Variants in DNALI1 observed in about 807,000 individuals in gnomAD.
The protein encoded by DNALI1 is axonemal dynein light intermediate polypeptide 1.
DNALI1 carries 31 observed loss-of-function variants against 33.9 expected under a neutral mutation model. That is an observed-to-expected ratio of 0.91 (90% CI 0.69 to 1.23). DNALI1 has a LOEUF of 1.23. Among genes scored for constraint, DNALI1 ranks in the 50% most tolerant of loss-of-function variants. The pLI is 0.00. For synonymous variants in DNALI1, 117 were observed against 129.2 expected (o/e 0.91, Z 0.64); for missense variants, 305 against 323.8 (o/e 0.94, Z 0.44).
In DNALI1 at chr1:37,561,812, T is replaced by C; in HGVS notation, c.576+77T>C. The C allele has an allele frequency of 6.5e-7, 1 of 1,529,672 alleles. No individual in the cohort carries two copies. The highest frequency in any genetic ancestry group is 8.9e-7 in the Non-Finnish European group (1 of 1,129,538). The allele number at this position is 1,529,672 out of a possible 1,614,324, so 94.8% of individuals were successfully genotyped here. On this transcript the variant is annotated intron_variant, in intron 4 of 5. Coordinates refer to ENST00000652629, the MANE Select transcript of DNALI1 (RefSeq NM_003462.5). The surrounding 1 kb of genome is among the most constrained non-coding windows in gnomAD (Gnocchi z 4.6). ...GGCCACATGCTTATCATTCCAGCAC[T>C]ACATTCTGACCTCCTAAGGTGCTCT...
intron 2 of DNALI1, among the ~76,000 whole-genome samples, chr1:37,558,479 C>A (rs938874662): frequency 1.3e-5 from 2 of 152,204 alleles, no homozygotes; most frequent in African/African-American, 2.4e-5. Context: ...AGACTAAAAT[C>A]AAAAATCCTT....
chr1:37,562,134 G>A lies in DNALI1; in HGVS notation c.630G>A (p.Gln210=). ...KRDLERQVNE[Q]KAKCEATEKR... The stretch of plus-strand genomic sequence containing the variant: ...ACCTGGAGAGGCAAGTGAACGAGCA[G>A]AAGGCAAAATGTGAAGCCACTGAGA... Residue 210 remains glutamine, a synonymous_variant, in exon 5 of 6, where the codon CAG becomes CAA. Transcript: ENST00000652629. The surrounding 1 kb of genome is among the most constrained non-coding windows in gnomAD (Gnocchi z 5.8). The A allele has an allele frequency of 6.2e-7, 1 of 1,614,182 alleles. No individual in the cohort carries two copies. Among genetic ancestry groups the A allele is most frequent in the Non-Finnish European group, 8.5e-7 (1 of 1,180,030 alleles).
chr1:37,565,155 T>TA lies in DNALI1; in HGVS notation c.*99dup, dbSNP rs1643484885. 6.8e-7 allele frequency: 1 copy of TA among 1,461,166 alleles called. No homozygotes were observed. Among genetic ancestry groups the TA allele is most frequent in the Non-Finnish European group, 9.5e-7 (1 of 1,056,918 alleles). The allele number at this position is 1,461,166 out of a possible 1,614,324, so 90.5% of individuals were successfully genotyped here. ...TAAAATCATCATAAGCCCTTTGTAA[T>TA]AAAAAGCTAGTTTCCTGAGTGAACA... On this transcript the variant is annotated 3_prime_UTR_variant, in exon 6 of 6. Transcript: ENST00000652629.
At chr1:37,564,769 T>C (rs370187537) in intron 5 of DNALI1, among the ~76,000 whole-genome samples, 31 of 152,306 alleles carry the variant, frequency 2.0e-4, no homozygotes, top group East Asian at 1.9e-3. Flanking sequence ...CAATATCCTT[T>C]TCAATGCTTT....
At position 37,561,638 on chromosome 1, in the gene DNALI1, C is replaced by G. The variant is rs765317340; in HGVS notation, c.479C>G (p.Thr160Ser). ...LLRVRDEIRM[T>S]IAAYQTLYES... is the part of the protein sequence containing the mutation. Reference sequence around the variant, plus strand: ...CGAGTCCGGGACGAGATCCGCATGACCATCGCTGCCTACCAGACCCTGTAC... The same window carrying G: ...CGAGTCCGGGACGAGATCCGCATGAGCATCGCTGCCTACCAGACCCTGTAC... The change falls in exon 4 of 6, where the codon ACC becomes AGC. Residue 160 changes from threonine (T) to serine (S), a missense_variant. Thr to Ser is a moderately conservative substitution (Grantham distance 58, BLOSUM62 1). Transcript: ENST00000652629. This position sits in a 1 kb window ranked among gnomAD's most constrained non-coding sequence, Gnocchi z 4.6. 6.2e-7 allele frequency: 1 copy of G among 1,613,944 alleles called. No homozygotes were observed. Among genetic ancestry groups the G allele is most frequent in the South Asian group, 1.1e-5 (1 of 91,016 alleles).
In DNALI1 at chr1:37,556,957, G is replaced by C; in HGVS notation, c.-38G>C. ...GTGACGGCAAACAAGGCCCACACTG[G>C]ACAGGGCAGCTGCTGGGTTGCTACT... On this transcript the variant is annotated 5_prime_UTR_variant, in exon 1 of 6. Transcript: ENST00000652629. 6.2e-7 allele frequency: 1 copy of C among 1,614,216 alleles called. No homozygotes were observed. Among genetic ancestry groups the C allele is most frequent in the Non-Finnish European group, 8.5e-7 (1 of 1,180,030 alleles).
In DNALI1 at chr1:37,557,635, T is replaced by C. The variant is rs1643387801; in HGVS notation, c.114T>C (p.Pro38=). The change falls in exon 2 of 6, where the codon CCT becomes CCC. Residue 38 remains proline (P), a synonymous_variant. Coordinates refer to ENST00000652629, the MANE Select transcript of DNALI1 (RefSeq NM_003462.5). Reference sequence around the variant, plus strand: ...TACTGAAAGTCAGCCCCCAGCAGCCTGGACCTTCAGGTTCAGCCCCACAGC... The same window carrying C: ...TACTGAAAGTCAGCCCCCAGCAGCCCGGACCTTCAGGTTCAGCCCCACAGC... The part of the protein sequence containing the change: ...ARLLKVSPQQ[P]GPSGSAPQPP... 4 of 1,613,972 alleles carry C rather than the reference T, an allele frequency of 2.5e-6. No individual in the cohort carries two copies. The highest frequency in any genetic ancestry group is 3.4e-6 in the Non-Finnish European group (4 of 1,179,904).
In DNALI1 at chr1:37,566,699, G is replaced by A; in HGVS notation, c.*1638G>A. ...GACTCTTATCACTGAAATCCTTAAGGTTGAGGAGGCTTTATTTCCCTAGCA... is the reference window on the plus strand; with the variant it reads ...GACTCTTATCACTGAAATCCTTAAGATTGAGGAGGCTTTATTTCCCTAGCA... On this transcript the variant is annotated 3_prime_UTR_variant, in exon 6 of 6. Coordinates refer to ENST00000652629, the MANE Select transcript of DNALI1 (RefSeq NM_003462.5). The A allele has an allele frequency of 4.4e-6, 3 of 677,152 alleles. No homozygotes were observed. The highest frequency in any genetic ancestry group is 1.9e-5 in the South Asian group (1 of 52,916). The allele number at this position is 677,152 out of a possible 1,614,324, so 41.9% of individuals were successfully genotyped here. A position where few individuals can be genotyped will look rare whatever the true frequency, so the allele number is the denominator to read the frequency against.
rs150256817 is a variant in DNALI1, at chr1:37,561,556, G to A, written c.398-1G>A. The A allele has an allele frequency of 5.0e-6, 8 of 1,613,516 alleles. No individual in the cohort carries two copies. In the East Asian group the frequency reaches 8.9e-5, roughly 18 times the overall value. On this transcript the variant is annotated splice_acceptor_variant, in intron 3 of 5. Transcript: ENST00000652629. LOFTEE classifies it high-confidence loss of function. This position sits in a 1 kb window ranked among gnomAD's most constrained non-coding sequence, Gnocchi z 4.6. ...ATCTCATGGTGTGTGTGCATTGGAA[G>A]ATGAGTTGATCCGGGAGGTCACCAT...
chr1:37,565,752 C>T lies in DNALI1; in HGVS notation c.*691C>T, dbSNP rs1643492540. On this transcript the variant is annotated 3_prime_UTR_variant, in exon 6 of 6. Coordinates refer to ENST00000652629, the MANE Select transcript of DNALI1 (RefSeq NM_003462.5). The stretch of plus-strand genomic sequence containing the variant: ...ACTCAGCTCTTCCCCCAGCACAGAT[C>T]TGTTCCCCTTATCCTGCAGAAAATC... 1 of 152,352 alleles carries T rather than the reference C, an allele frequency of 6.6e-6. No individual in the cohort carries two copies. Among genetic ancestry groups the T allele is most frequent in the Admixed American group, 6.5e-5 (1 of 15,286 alleles). 9.4% of individuals were successfully genotyped at this position (152,352 alleles called of 1,614,324 possible).
Position 37,561,410 on chromosome 1 carries a change from C to A in DNALI1, c.398-147C>A. Reference sequence around the variant, plus strand: ...TCTTTGGGCCACTGAAGGCACCCTCCCTGAGGCCCTTCTCTGAGGCCTTGC... The same window carrying A: ...TCTTTGGGCCACTGAAGGCACCCTCACTGAGGCCCTTCTCTGAGGCCTTGC... On this transcript the variant is annotated intron_variant, in intron 3 of 5. Transcript: ENST00000652629. The surrounding 1 kb of genome is among the most constrained non-coding windows in gnomAD (Gnocchi z 4.6). 1 of 1,036,832 alleles carries A rather than the reference C, an allele frequency of 9.6e-7. No homozygotes were observed. The highest frequency in any genetic ancestry group is 2.6e-5 in the Admixed American group (1 of 38,964). The allele number at this position is 1,036,832 out of a possible 1,614,324, so 64.2% of individuals were successfully genotyped here.
In DNALI1 at chr1:37,566,617, G is replaced by A; in HGVS notation, c.*1556G>A. 1 of 492,610 alleles carries A rather than the reference G, an allele frequency of 2.0e-6. No individual in the cohort carries two copies. 30.5% of individuals were successfully genotyped at this position (492,610 alleles called of 1,614,324 possible). A position where few individuals can be genotyped will look rare whatever the true frequency, so the allele number is the denominator to read the frequency against. On this transcript the variant is annotated 3_prime_UTR_variant, in exon 6 of 6. Coordinates refer to ENST00000652629, the MANE Select transcript of DNALI1 (RefSeq NM_003462.5). ...ATTTCTGTCAGACAGTTATATGACA[G>A]GGTGACTGTGGAACCTCTTAGTTCA...
rs1238059750 is a variant in DNALI1, at chr1:37,562,970, A to C, written c.741+725A>C. On this transcript the variant is annotated intron_variant, in intron 5 of 5. Coordinates refer to ENST00000652629, the MANE Select transcript of DNALI1 (RefSeq NM_003462.5). The surrounding 1 kb of genome is among the most constrained non-coding windows in gnomAD (Gnocchi z 5.8). ...TTATTGGGCCCACCCCAGATCTACC[A>C]AATCAGAAAATTCGGGGTTGGGGTC... is the stretch of plus-strand genomic sequence containing the variant. 6.6e-6 allele frequency among the ~76,000 whole-genome samples: 1 copy of C among 152,222 alleles called. No individual in the cohort carries two copies. Among genetic ancestry groups the C allele is most frequent in the Non-Finnish European group, 1.5e-5 (1 of 68,046 alleles).
At position 37,557,744 on chromosome 1, in the gene DNALI1, C is replaced by A. The variant is rs570351290; in HGVS notation, c.223C>A (p.Pro75Thr). Reference protein sequence around the residue: ...AEEILNAILPPREWVEDTQLW... With the variant: ...AEEILNAILPTREWVEDTQLW... ...AGAAATCTTGAATGCCATACTACCCCCAAGGTAAGAAAGTAGGAGCAGTGG... is the reference window on the plus strand; with the variant it reads ...AGAAATCTTGAATGCCATACTACCCACAAGGTAAGAAAGTAGGAGCAGTGG... The change falls in exon 2 of 6, where the codon CCA becomes ACA. Residue 75 changes from proline (P) to threonine (T), a missense_variant. Physicochemically the swap from Pro to Thr is conservative, Grantham distance 38 (BLOSUM62 -1). Coordinates refer to ENST00000652629, the MANE Select transcript of DNALI1 (RefSeq NM_003462.5). 3.7e-6 allele frequency: 6 copies of A among 1,613,576 alleles called. No homozygotes were observed. The highest frequency in any genetic ancestry group is 4.5e-5 in the East Asian group (2 of 44,812).
chr1:37,561,067 G>T lies in DNALI1; in HGVS notation c.398-490G>T, dbSNP rs571781972. ...GTCTAGCAGGCTTCCCTATCCGTGT[G>T]TTATTATGGTTTGCCCTCCAGGTCA... On this transcript the variant is annotated intron_variant, in intron 3 of 5. Transcript: ENST00000652629. The surrounding 1 kb of genome is among the most constrained non-coding windows in gnomAD (Gnocchi z 4.6). The T allele has an allele frequency of 2.2e-4, 34 of 157,576 alleles. No individual in the cohort carries two copies. The South Asian group carries it at 6.2e-3, about 29-fold the overall frequency. 9.8% of individuals were successfully genotyped at this position (157,576 alleles called of 1,614,324 possible).
At chr1:37,557,543 G>C in intron 1 of DNALI1, 60 bp from the exon 2 acceptor site, 1 of 1,571,012 alleles carries the variant, frequency 6.4e-7, no homozygotes, top group Non-Finnish European at 8.6e-7. Flanking sequence ...ATACAGGTTG[G>C]GGATGTGTGG....
At position 37,561,358 on chromosome 1, in the gene DNALI1, T is replaced by G. The variant is rs1643436296; in HGVS notation, c.398-199T>G. ...GACTGTGCTACTCACAAGTGCCAAG[T>G]TCAGAGGAGTGACTGCATGGCAAGG... On this transcript the variant is annotated intron_variant, in intron 3 of 5. Coordinates refer to ENST00000652629, the MANE Select transcript of DNALI1 (RefSeq NM_003462.5). The surrounding 1 kb of genome is among the most constrained non-coding windows in gnomAD (Gnocchi z 4.6). 1 of 612,562 alleles carries G rather than the reference T, an allele frequency of 1.6e-6. No homozygotes were observed. The highest frequency in any genetic ancestry group is 2.1e-5 in the South Asian group (1 of 47,228). 37.9% of individuals were successfully genotyped at this position (612,562 alleles called of 1,614,324 possible).
At position 37,561,647 on chromosome 1, in the gene DNALI1, C is replaced by A; in HGVS notation, c.488C>A (p.Ala163Asp). The A allele has an allele frequency of 6.2e-7, 1 of 1,614,014 alleles. No homozygotes were observed. Among genetic ancestry groups the A allele is most frequent in the Non-Finnish European group, 8.5e-7 (1 of 1,179,986 alleles). The change falls in exon 4 of 6, where the codon GCC (alanine) becomes GAC (aspartate). Residue 163 changes from alanine to aspartate, a missense_variant. By Grantham distance (126) the Ala-to-Asp change is moderately radical (BLOSUM62 -2). Transcript: ENST00000652629. This position sits in a 1 kb window ranked among gnomAD's most constrained non-coding sequence, Gnocchi z 4.6. ...GACGAGATCCGCATGACCATCGCTG[C>A]CTACCAGACCCTGTACGAGAGCAGC... ...VRDEIRMTIAAYQTLYESSVA... is the reference protein window; with the variant it reads ...VRDEIRMTIADYQTLYESSVA...
At chr1:37,563,312 T>G (rs1246833420) in intron 5 of DNALI1, among the ~76,000 whole-genome samples, 2 of 152,236 alleles carry the variant, frequency 1.3e-5, no homozygotes, top group Non-Finnish European at 2.9e-5. Flanking sequence ...TGAATCTGTT[T>G]CCTTAGCAGC....
Sources: gnomAD v4.1 joint callset for allele counts (sites outside exome capture counted in the v4.1 genomes callset) on GRCh38, gnomAD v4.1.1 for gene constraint, Gnocchi (gnomAD v3.1) non-coding constraint, MANE v1.5 for transcripts, NCBI Gene and HGNC (gene_info 2026-07-23, HGNC 2026-07-21) for gene names.